Variants in DDX17 observed in about 807,000 individuals in gnomAD.
DDX17 encodes DEAD-box helicase 17, also known as probable ATP-dependent RNA helicase DDX17.
Under a neutral mutation model 80.8 loss-of-function variants are expected in DDX17, and 10 were observed. The observed-to-expected ratio is 0.12, with a 90% CI of 0.08 to 0.21. The LOEUF (loss-of-function observed/expected upper bound fraction) is 0.21. Ranked by LOEUF, DDX17 falls within the 10% of genes least tolerant of loss-of-function variation. DDX17 has a pLI of 1.00. For missense variants in DDX17, 586 were observed against 957.4 expected (o/e 0.61, Z 5.12); for synonymous variants, 339 against 336.2 (o/e 1.01, Z -0.09).
rs780200430 is a variant in DDX17 at position 38,494,148 on chromosome 22, C to T, written c.1215-17G>A. The T allele has an allele frequency of 6.6e-7, 1 of 1,523,588 alleles. No individual in the cohort carries two copies. The highest frequency in any genetic ancestry group is 1.4e-5 in the African/African-American group (1 of 72,998). The allele number at this position is 1,523,588 out of a possible 1,614,324, so 94.4% of individuals were successfully genotyped here. Reference sequence around the variant, plus strand: ...TGGATCAACCTGAAAACATGACCAACAATGCAGTCATCACACAGAAAGTTA... The same window carrying T: ...TGGATCAACCTGAAAACATGACCAATAATGCAGTCATCACACAGAAAGTTA... On this transcript the variant is annotated splice_polypyrimidine_tract_variant and intron_variant, in intron 8 of 12. Coordinates refer to ENST00000403230, the MANE Select transcript of DDX17 (RefSeq NM_006386.5).
At chr22:38,504,224 C>T (rs2089858134) in intron 1 of DDX17, among the ~76,000 whole-genome samples, 1 of 152,228 alleles carries the variant, frequency 6.6e-6, no homozygotes, top group Non-Finnish European at 1.5e-5. Flanking sequence ...CACCCTACCA[C>T]AACGTGCTTT....
chr22:38,505,797 G>C (rs1396166546), intron 1 of DDX17, 154 bp downstream of exon 1: 16 of 986,788 alleles, frequency 1.6e-5, no homozygotes, highest in Admixed American at 2.9e-5. Flanking sequence ...CCGGGGCCGA[G>C]GTCCGCGCAC....
At chr22:38,496,387 G>A (rs905650200) in intron 5 of DDX17, among the ~76,000 whole-genome samples, 22 of 152,100 alleles carry the variant, frequency 1.4e-4, no homozygotes, top group East Asian at 3.9e-4. Flanking sequence ...TCACTCTATC[G>A]CCCAGGCTGG....
rs899067159 is a variant in DDX17 at position 38,485,224 on chromosome 22, T to C, written c.*711A>G. ...TACAATAAACACTTGTGGTTTTTAA[T>C]TTAAAGGATACACAAAACTCAGCAA... On this transcript the variant is annotated 3_prime_UTR_variant, in exon 13 of 13. Transcript: ENST00000403230. 1 of 152,194 alleles carries C rather than the reference T, an allele frequency of 6.6e-6. No individual in the cohort carries two copies. Among genetic ancestry groups the C allele is most frequent in the Non-Finnish European group, 1.5e-5 (1 of 68,034 alleles). 9.4% of individuals were successfully genotyped at this position (152,194 alleles called of 1,614,324 possible). A position where few individuals can be genotyped will look rare whatever the true frequency, so the allele number is the denominator to read the frequency against.
chr22:38,505,756 A>G (rs1456654756), intron 1 of DDX17, 195 bp downstream of exon 1: 2 of 647,446 alleles, frequency 3.1e-6, no homozygotes, highest in Non-Finnish European at 5.0e-6. Context: ...AGCGTCGCCA[A>G]GCGGCCGCCC....
intron 1 of DDX17, among the ~76,000 whole-genome samples, chr22:38,503,390 G>T (rs2089849466): frequency 6.6e-6 from 1 of 152,130 alleles, no homozygotes. Flanking sequence ...TAAGATTCCT[G>T]TTAAGGCTTT....
chr22:38,487,209 C>T (rs2089669072), intron 12 of DDX17, among the ~76,000 whole-genome samples: 2 of 152,134 alleles, frequency 1.3e-5, no homozygotes, highest in South Asian at 4.1e-4. Context: ...CTCAGACCAG[C>T]CTCAGCTAGG....
Position 38,487,613 on chromosome 22 carries a change from C to T in DDX17, c.1684+266G>A, listed in dbSNP as rs566712951. Among the ~76,000 whole-genome samples, 420 of 152,172 alleles carry T rather than the reference C, an allele frequency of 2.8e-3. 1 individual carries two copies. The highest frequency in any genetic ancestry group is 4.7e-3 in the Non-Finnish European group (321 of 68,006). ...CAGCCTGGGCGACAGAGCAAGACTC[C>T]GTCTCAAAACAAACAAACAAACAAA... On this transcript the variant is annotated intron_variant, in intron 12 of 12. Transcript: ENST00000403230.
chr22:38,495,971 C>T, intron 5 of DDX17, 34 bp from the exon 6 acceptor site: 1 of 1,090,098 alleles, frequency 9.2e-7, no homozygotes, highest in East Asian at 2.9e-5. Context: ...GAGACCTCAT[C>T]CAAGGTTTAA....
intron 11 of DDX17, 139 bp downstream of exon 11, chr22:38,491,917 C>G: frequency 3.5e-6 from 2 of 568,732 alleles, no homozygotes; most frequent in Non-Finnish European, 5.8e-6. Flanking sequence ...GAGAATCACG[C>G]TTTGTATTTT....
chr22:38,495,956 C>T lies in DDX17; in HGVS notation c.739-19G>A. 1 of 1,214,828 alleles carries T rather than the reference C, an allele frequency of 8.2e-7. No homozygotes were observed. The highest frequency in any genetic ancestry group is 1.1e-6 in the Non-Finnish European group (1 of 904,856). 75.3% of individuals were successfully genotyped at this position (1,214,828 alleles called of 1,614,324 possible). On this transcript the variant is annotated intron_variant, in intron 5 of 12. Transcript: ENST00000403230. ...CTAGACACTGAAACCAACAAAAAGA[C>T]ACTTGAGACCTCATCCAAGGTTTAA...
intron 8 of DDX17, 90 bp downstream of exon 8, chr22:38,494,540 A>G (rs1477169181): frequency 5.5e-6 from 7 of 1,270,316 alleles, no homozygotes; most frequent in Non-Finnish European, 7.7e-6. Flanking sequence ...TCAGGCCTCA[A>G]AATATACTGG....
intron 5 of DDX17, among the ~76,000 whole-genome samples, chr22:38,497,038 A>G (rs1242843702): frequency 2.0e-5 from 3 of 152,132 alleles, no homozygotes. Context: ...GGTGGCTCAC[A>G]CCTGTAATCC....
At chr22:38,495,246 A>T (rs199581011) in intron 6 of DDX17, among the ~76,000 whole-genome samples, 200 bp from the exon 7 acceptor site, 7 of 130,644 alleles carry the variant, frequency 5.4e-5, no homozygotes, top group East Asian at 2.2e-4. Flanking sequence ...CAGAGAAGCT[A>T]TTTTTTTTTT....
rs2089804468 is a variant in DDX17 at position 38,499,479 on chromosome 22, G to A, written c.459C>T (p.Arg153=). 1.2e-6 allele frequency: 2 copies of A among 1,613,480 alleles called. No individual in the cohort carries two copies. The highest frequency in any genetic ancestry group is 1.7e-6 in the Non-Finnish European group (2 of 1,179,698). ...CCCTCACTGTAATCTCCTTCTTTCG[G>A]CGTAGCTCATCAACCTCATACTATT... Residue 153 remains arginine (R), a synonymous_variant, in exon 3 of 13, where the codon CGC becomes CGT. Transcript: ENST00000403230.
chr22:38,493,652 C>T (rs2267390), intron 10 of DDX17, 58 bp downstream of exon 10: 395,994 of 1,359,242 alleles, frequency 0.29, 59,195 homozygotes, highest in East Asian at 0.37. Context: ...AGAGCATGAA[C>T]ATTCACTTAT....
chr22:38,495,745 A>G, intron 6 of DDX17, 51 bp downstream of exon 6: 1 of 1,379,466 alleles, frequency 7.2e-7, no homozygotes, highest in Non-Finnish European at 9.5e-7. Context: ...CCTCCACAGG[A>G]ATTGGTAAAG....
At chr22:38,490,428 T>G in intron 11 of DDX17, 1 of 1,289,362 alleles carries the variant, frequency 7.8e-7, no homozygotes. Context: ...GCAGCTGATA[T>G]CAAAGCTTCT....
Position 38,485,897 on chromosome 22 carries a change from T to C in DDX17, c.*38A>G. 1 of 1,595,412 alleles carries C rather than the reference T, an allele frequency of 6.3e-7. No homozygotes were observed. The highest frequency in any genetic ancestry group is 1.7e-5 in the Admixed American group (1 of 57,532). On this transcript the variant is annotated 3_prime_UTR_variant, in exon 13 of 13. Coordinates refer to ENST00000403230, the MANE Select transcript of DDX17 (RefSeq NM_006386.5). ...AGGAAAGACAGTGTTCCTTAAAATG[T>C]AATTAAGTCTGCTGGAGTCACTACC... is the stretch of plus-strand genomic sequence containing the variant.
Sources: gnomAD v4.1 joint callset for allele counts (sites outside exome capture counted in the v4.1 genomes callset) on GRCh38, gnomAD v4.1.1 for gene constraint, MANE v1.5 for transcripts, NCBI Gene and HGNC (gene_info 2026-07-23, HGNC 2026-07-21) for gene names.